DLEC1: variants seen among roughly 807,000 people sequenced by gnomAD.
DLEC1 encodes the protein DLEC1 cilia and flagella associated protein.
DLEC1 carries 146 observed loss-of-function variants against 198.1 expected under a neutral mutation model. The ratio of observed to expected loss-of-function variants is 0.74; its 90% confidence interval spans 0.64 to 0.85. DLEC1 has a LOEUF of 0.85. DLEC1 is among the 40% of genes least tolerant of loss of function. DLEC1 has a pLI of 0.00. For synonymous variants in DLEC1, 897 were observed against 866.8 expected (o/e 1.03, Z -0.61); for missense variants, 2,233 against 2,220.0 (o/e 1.01, Z -0.12).
At chr3:38,083,101 G>C (rs2125665536) in intron 6 of DLEC1, among the ~76,000 whole-genome samples, 1 of 151,856 alleles carries the variant, frequency 6.6e-6, no homozygotes, top group Admixed American at 6.6e-5. Flanking sequence ...AGTAAAAAGA[G>C]GCCGCTTACC....
At chr3:38,109,921 T>C in intron 22 of DLEC1, 178 bp from the exon 23 acceptor site, 1 of 748,550 alleles carries the variant, frequency 1.3e-6, no homozygotes, top group Non-Finnish European at 2.1e-6. Flanking sequence ...GAGGCCTCTC[T>C]CAGCATCATG....
rs538985876 is a variant in DLEC1 at position 38,062,699 on chromosome 3, G to C, written c.992G>C (p.Arg331Pro). 2.2e-5 allele frequency: 35 copies of C among 1,613,862 alleles called. No individual in the cohort carries two copies. In the Admixed American group the frequency reaches 5.8e-4, roughly 27 times the overall value. Residue 331 changes from arginine (R) to proline (P), a missense_variant, in exon 5 of 37, where the codon CGT becomes CCT. By Grantham distance (103) the Arg-to-Pro change is moderately radical (BLOSUM62 -2). Transcript: ENST00000308059. ...ESRNHFLKNP[R>P]FFPPNTRYGG... ...CGGAACCACTTCCTAAAAAATCCCC[G>C]TTTTTTTCCTCCTAACACTCGATAT...
At chr3:38,046,492 C>T (rs1276648711) in intron 2 of DLEC1, among the ~76,000 whole-genome samples, 2 of 152,140 alleles carry the variant, frequency 1.3e-5, no homozygotes, top group Non-Finnish European at 2.9e-5. Flanking sequence ...CATGCCTTTG[C>T]TCCTCCTTCA....
intron 2 of DLEC1, among the ~76,000 whole-genome samples, chr3:38,053,302 G>A (rs1451263210): frequency 1.4e-4 from 22 of 151,888 alleles, no homozygotes; most frequent in Non-Finnish European, 2.6e-4. Flanking sequence ...TCTGGGAAGT[G>A]AGGAGCGCCT....
intron 23 of DLEC1, 53 bp downstream of exon 23, chr3:38,110,334 C>G: frequency 6.3e-7 from 1 of 1,597,048 alleles, no homozygotes; most frequent in Non-Finnish European, 8.6e-7. Context: ...ATGGGGTGTA[C>G]CCTGTTGAGC....
chr3:38,101,851 G>A (rs780018947), intron 19 of DLEC1, among the ~76,000 whole-genome samples: 25 of 152,206 alleles, frequency 1.6e-4, no homozygotes, highest in Non-Finnish European at 3.2e-4. Flanking sequence ...TCTGCCTGCA[G>A]CTCAGGGGAA....
chr3:38,121,087 G>A (rs925945914), intron 34 of DLEC1, among the ~76,000 whole-genome samples: 13 of 152,206 alleles, frequency 8.5e-5, no homozygotes, highest in African/African-American at 3.1e-4. Context: ...GTGAAGGAGT[G>A]GCCTGGGGAA....
At chr3:38,113,604 T>C (rs1699996773) in intron 25 of DLEC1, among the ~76,000 whole-genome samples, 1 of 151,980 alleles carries the variant, frequency 6.6e-6, no homozygotes, top group African/African-American at 2.4e-5. Flanking sequence ...GGTGGGAGGA[T>C]CACTTGTGCC....
rs551341227 is a variant in DLEC1 at position 38,117,238 on chromosome 3, C to T, written c.4336C>T (p.Arg1446Cys). Residue 1446 changes from arginine (R) to cysteine (C), a missense_variant, in exon 31 of 37, where the codon CGC becomes TGC. Coordinates refer to ENST00000308059, the MANE Select transcript of DLEC1 (RefSeq NM_007335.4). ...AAGGGAGATTCCAGGGAAGAGGCATCGCCTGCAGGACTTTGCGGTGGGACC... is the reference window on the plus strand; with the variant it reads ...AAGGGAGATTCCAGGGAAGAGGCATTGCCTGCAGGACTTTGCGGTGGGACC... ...VEREIPGKRH[R>C]LQDFAVGPLK... 2.3e-4 allele frequency: 364 copies of T among 1,614,128 alleles called. 1 individual carries two copies. The South Asian group carries it at 3.3e-3, about 15-fold the overall frequency.
rs747374247 is a variant in DLEC1 at position 38,100,287 on chromosome 3, T to C, written c.2726T>C (p.Val909Ala). 6.2e-7 allele frequency: 1 copy of C among 1,608,558 alleles called. No individual in the cohort carries two copies. Among genetic ancestry groups the C allele is most frequent in the Admixed American group, 1.7e-5 (1 of 58,532 alleles). The change falls in exon 19 of 37, where the codon GTG (valine) becomes GCG (alanine). Residue 909 changes from valine to alanine, a missense_variant and splice_region_variant. By Grantham distance (64) the Val-to-Ala change is moderately conservative. Coordinates refer to ENST00000308059, the MANE Select transcript of DLEC1 (RefSeq NM_007335.4). ...PVSLQERPED[V>A]SPFDIEPSSG... The stretch of plus-strand genomic sequence containing the variant: ...CCTCCTGAGTGTTCTCCGGGGCAGG[T>C]GTCTCCCTTCGACATTGAGCCTTCG...
chr3:38,082,070 C>T (rs1351033989), intron 6 of DLEC1, among the ~76,000 whole-genome samples: 1 of 142,216 alleles, frequency 7.0e-6, no homozygotes, highest in Non-Finnish European at 1.5e-5. Context: ...GGTCTCCTCA[C>T]TTCTCAGACG....
At chr3:38,090,970 C>A (rs1698717375) in intron 10 of DLEC1, among the ~76,000 whole-genome samples, 2 of 152,116 alleles carry the variant, frequency 1.3e-5, no homozygotes, top group Non-Finnish European at 2.9e-5. Flanking sequence ...TTATTTTGAA[C>A]AAAATCAAGA....
At chr3:38,052,840 G>A (rs980066145) in intron 2 of DLEC1, among the ~76,000 whole-genome samples, 1 of 151,902 alleles carries the variant, frequency 6.6e-6, no homozygotes, top group African/African-American at 2.4e-5. Context: ...AGTTGTGAAA[G>A]CCGAGGCTGG....
rs1700556620 is a variant in DLEC1 at position 38,039,586 on chromosome 3, C to G, written c.361C>G (p.Arg121Gly). ...AGTGAGCGCAAGCTTGATCAAGGCC[C>G]GCGGCAGCGAGAATGAGCGCCACGA... The part of the protein sequence containing the change: ...DEVSASLIKA[R>G]GSENERHEEF... The change falls in exon 1 of 37, where the codon CGC (arginine) becomes GGC (glycine). Residue 121 changes from arginine to glycine, a missense_variant. By Grantham distance (125) the Arg-to-Gly change is moderately radical (BLOSUM62 -2). Coordinates refer to ENST00000308059, the MANE Select transcript of DLEC1 (RefSeq NM_007335.4). The G allele has an allele frequency of 1.2e-6, 2 of 1,611,852 alleles. No individual in the cohort carries two copies. The highest frequency in any genetic ancestry group is 2.2e-5 in the South Asian group (2 of 91,018).
At chr3:38,099,029 A>T (rs1417846390) in intron 18 of DLEC1, among the ~76,000 whole-genome samples, 1 of 152,158 alleles carries the variant, frequency 6.6e-6, no homozygotes, top group African/African-American at 2.4e-5. Context: ...CAGTATCTTT[A>T]GTGTCCACAT....
At position 38,110,208 on chromosome 3, in the gene DLEC1, A is replaced by G. The variant is rs1699789801; in HGVS notation, c.3370A>G (p.Ile1124Val). 1.2e-5 allele frequency: 19 copies of G among 1,614,054 alleles called. No homozygotes were observed. The highest frequency in any genetic ancestry group is 3.3e-5 in the South Asian group (3 of 91,088). ...RQLILTNRSPIRTRFSLKFEY... is the reference protein window; with the variant it reads ...RQLILTNRSPVRTRFSLKFEY... ...GCTCATTCTCACCAATCGCTCCCCA[A>G]TACGGACCCGTTTCTCCCTCAAGTT... Residue 1124 changes from isoleucine to valine, a missense_variant, in exon 23 of 37, where the codon ATA becomes GTA. By Grantham distance (29) the Ile-to-Val change is conservative (BLOSUM62 3). Transcript: ENST00000308059.
At chr3:38,121,297 A>C (rs530369139) in intron 34 of DLEC1, among the ~76,000 whole-genome samples, 28 of 152,304 alleles carry the variant, frequency 1.8e-4, no homozygotes, top group African/African-American at 4.8e-4. Context: ...CACGGCTGAG[A>C]GGAGCTGAGG....
At chr3:38,108,654 T>C (rs897504686) in intron 21 of DLEC1, 139 bp downstream of exon 21, 3 of 699,706 alleles carry the variant, frequency 4.3e-6, no homozygotes, top group African/African-American at 3.5e-5. Context: ...CATTTGGGTC[T>C]GGGGTCCCCA....
intron 10 of DLEC1, among the ~76,000 whole-genome samples, chr3:38,091,815 C>T (rs747793087): frequency 2.0e-5 from 3 of 152,234 alleles, no homozygotes; most frequent in Middle Eastern, 3.4e-3. Flanking sequence ...TCCCACCTGA[C>T]ACCCGTTAGA....
Sources: allele counts gnomAD v4.1 joint callset (sites outside exome capture counted in the v4.1 genomes callset), GRCh38; gene constraint gnomAD v4.1.1; transcripts MANE v1.5; gene names NCBI Gene and HGNC (gene_info 2026-07-23, HGNC 2026-07-21).